Variants in EYS observed in about 807,000 individuals in gnomAD.
The protein encoded by EYS is protein eyes shut homolog.
In EYS, 250 loss-of-function variants were observed where a neutral mutation model predicts 282.1. That is an observed-to-expected ratio of 0.89 (90% confidence interval 0.80 to 0.98). EYS has a LOEUF of 0.98. Ranked by LOEUF, EYS falls within the 50% of genes least tolerant of loss-of-function variation. EYS has a pLI of 0.00. For synonymous variants in EYS, 1,355 were observed against 1,282.9 expected, an observed-to-expected ratio of 1.06 and a Z score of -1.20; for missense variants, 4,016 against 3,709.0, an observed-to-expected ratio of 1.08 and a Z score of -2.15.
At chr6:63,843,203 T>A (rs147139726) in intron 36 of EYS, among the ~76,000 whole-genome samples, 208 of 152,342 alleles carry the variant, frequency 1.4e-3, no homozygotes, top group African/African-American at 4.7e-3. Flanking sequence ...TTGGGCAGTA[T>A]GACCATTTTC....
intron 5 of EYS, among the ~76,000 whole-genome samples, chr6:65,482,936 G>A (rs999521422): frequency 1.5e-4 from 23 of 152,116 alleles, no homozygotes; most frequent in African/African-American, 4.8e-4. Context: ...ACTTGAAAAT[G>A]TGTCATTAAC....
rs1190015455 is a variant in EYS, at chr6:65,442,882, AC to A, written c.863-37516del. On this transcript the variant is annotated intron_variant, in intron 5 of 42. Coordinates refer to ENST00000503581, the MANE Select transcript of EYS (RefSeq NM_001142800.2). ...TACATATATACATACATATACACAT[AC>A]ATATGTACATATATGTATATATACA... is the stretch of plus-strand genomic sequence containing the variant. Among the ~76,000 whole-genome samples, 7 of 145,610 alleles carry A rather than the reference AC, an allele frequency of 4.8e-5. 2 individuals are homozygous for A. The East Asian group carries it at 1.4e-3, about 30-fold the overall frequency.
intron 22 of EYS, among the ~76,000 whole-genome samples, chr6:64,633,895 T>G (rs1003543756): frequency 6.6e-6 from 1 of 152,202 alleles, no homozygotes; most frequent in Admixed American, 6.5e-5. Context: ...TGCAACCTCC[T>G]GAAATATACT....
intron 33 of EYS, among the ~76,000 whole-genome samples, chr6:64,064,742 G>A (rs890382150): frequency 2.0e-5 from 3 of 152,152 alleles, no homozygotes; most frequent in South Asian, 2.1e-4. Context: ...TTTAACCCCC[G>A]AATAGCAATT....
rs575545597 is a variant in EYS, at chr6:64,518,177, A to G, written c.5644+72046T>C. ...CAGTGTAACAAAGTGACAAATTCCT[A>G]AAGAAATTATTAAACCTCTCTCTCA... On this transcript the variant is annotated intron_variant, in intron 26 of 42. Coordinates refer to ENST00000503581, the MANE Select transcript of EYS (RefSeq NM_001142800.2). 1.1e-4 allele frequency among the ~76,000 whole-genome samples: 17 copies of G among 151,952 alleles called. No homozygotes were observed. The East Asian group carries it at 2.9e-3, about 26-fold the overall frequency.
intron 22 of EYS, among the ~76,000 whole-genome samples, chr6:64,774,442 G>T (rs1463091504): frequency 6.6e-6 from 1 of 151,914 alleles, no homozygotes; most frequent in African/African-American, 2.4e-5. Flanking sequence ...GGAAGGGAAA[G>T]CATAAAGGTA....
intron 14 of EYS, among the ~76,000 whole-genome samples, chr6:64,971,747 G>C (rs1018620334): frequency 6.6e-6 from 1 of 152,094 alleles, no homozygotes; most frequent in African/African-American, 2.4e-5. Context: ...GAATATTTAA[G>C]GTTAATTACA....
At chr6:64,346,841 A>G (rs1771422118) in intron 29 of EYS, among the ~76,000 whole-genome samples, 2 of 151,472 alleles carry the variant, frequency 1.3e-5, no homozygotes, top group African/African-American at 4.8e-5. Flanking sequence ...TGTCATTGGC[A>G]TATTTGGAAG....
intron 28 of EYS, among the ~76,000 whole-genome samples, chr6:64,430,162 C>G (rs1774531579): frequency 6.6e-6 from 1 of 152,162 alleles, no homozygotes; most frequent in Non-Finnish European, 1.5e-5. Flanking sequence ...GATGCTTACT[C>G]TAGTGATAAT....
At position 65,631,165 on chromosome 6, in the gene EYS, T is replaced by C. The variant is rs1582543352; in HGVS notation, c.-333+8613A>G. Among the ~76,000 whole-genome samples the C allele has an allele frequency of 3.9e-5, 6 of 152,260 alleles. No individual in the cohort carries two copies. In the South Asian group the frequency reaches 1.2e-3, roughly 32 times the overall value. ...AAAAGAGGATCAACCAAGTTTTTGGTGACAATGAAGACAGATGTGACCATT... is the reference window on the plus strand; with the variant it reads ...AAAAGAGGATCAACCAAGTTTTTGGCGACAATGAAGACAGATGTGACCATT... On this transcript the variant is annotated intron_variant, in intron 2 of 42. Coordinates refer to ENST00000503581, the MANE Select transcript of EYS (RefSeq NM_001142800.2).
At chr6:65,264,445 T>C (rs1208994071) in intron 12 of EYS, among the ~76,000 whole-genome samples, 1 of 152,108 alleles carries the variant, frequency 6.6e-6, no homozygotes, top group Non-Finnish European at 1.5e-5. Flanking sequence ...ACGTAAGACA[T>C]TCACTTAAAA....
chr6:64,472,342 G>A (rs1776145359), intron 26 of EYS, among the ~76,000 whole-genome samples: 1 of 152,100 alleles, frequency 6.6e-6, no homozygotes, highest in South Asian at 2.1e-4. Context: ...TCTTCACGTG[G>A]CCCATTACAG....
chr6:65,370,248 T>TTC (rs1236011013), intron 8 of EYS, among the ~76,000 whole-genome samples: 143 of 145,402 alleles, frequency 9.8e-4, no homozygotes, highest in African/African-American at 3.4e-3. Flanking sequence ...ATTTCTTTCT[T>TTC]TCTCTCTCTT....
intron 26 of EYS, among the ~76,000 whole-genome samples, chr6:64,440,318 G>A (rs1393729275): frequency 6.6e-6 from 1 of 151,838 alleles, no homozygotes; most frequent in Non-Finnish European, 1.5e-5. Flanking sequence ...TGATGCTTTA[G>A]AATTACTCAT....
intron 29 of EYS, among the ~76,000 whole-genome samples, chr6:64,320,347 C>G (rs980969432): frequency 1.3e-5 from 2 of 151,754 alleles, no homozygotes; most frequent in Non-Finnish European, 2.9e-5. Flanking sequence ...GTCATTGAGT[C>G]TATGGGTTGT....
intron 1 of EYS, among the ~76,000 whole-genome samples, chr6:65,694,144 G>A (rs980242077): frequency 3.3e-5 from 5 of 150,158 alleles, no homozygotes; most frequent in African/African-American, 1.2e-4. Context: ...TCCCAGCTAC[G>A]CTACTCAGGA....
chr6:63,810,634 T>G (rs1050372164), intron 36 of EYS, among the ~76,000 whole-genome samples: 1 of 152,144 alleles, frequency 6.6e-6, no homozygotes, highest in Non-Finnish European at 1.5e-5. Flanking sequence ...GTTCATAAAA[T>G]GAGAATGTAA....
chr6:64,114,853 G>T (rs1773321595), intron 31 of EYS, among the ~76,000 whole-genome samples: 1 of 152,066 alleles, frequency 6.6e-6, no homozygotes, highest in Non-Finnish European at 1.5e-5. Flanking sequence ...ATCTCCAGGG[G>T]AGGGAGATGC....
At chr6:63,990,957 G>A (rs1486342000) in intron 34 of EYS, among the ~76,000 whole-genome samples, 1 of 151,582 alleles carries the variant, frequency 6.6e-6, no homozygotes, top group East Asian at 1.9e-4. Flanking sequence ...TTTTCAGAAT[G>A]TTACAAGAGA....
Sources: allele counts gnomAD v4.1 joint callset (sites outside exome capture counted in the v4.1 genomes callset), GRCh38; gene constraint gnomAD v4.1.1; transcripts MANE v1.5; gene names NCBI Gene and HGNC (gene_info 2026-07-23, HGNC 2026-07-21).